KCNH7: variants seen among roughly 807,000 people sequenced by gnomAD.
KCNH7 encodes voltage-gated inwardly rectifying potassium channel KCNH7.
Under a neutral mutation model 120.8 loss-of-function variants are expected in KCNH7, and 49 were observed. The observed-to-expected ratio is 0.41, with a 90% CI of 0.32 to 0.51. The LOEUF (loss-of-function observed/expected upper bound fraction) is 0.51. Among genes scored for constraint, KCNH7 ranks in the 20% least tolerant of loss-of-function variants. The pLI is 0.38. For missense variants in KCNH7, 1,097 were observed against 1,446.6 expected, an observed-to-expected ratio of 0.76 and a Z score of 3.92; for synonymous variants, 547 against 516.1, an observed-to-expected ratio of 1.06 and a Z score of -0.81.
chr2:162,770,438 A>T (rs960595435), intron 2 of KCNH7, among the ~76,000 whole-genome samples: 75 of 151,990 alleles, frequency 4.9e-4, no homozygotes, highest in Admixed American at 1.7e-3. Context: ...TGAGATTTAC[A>T]GTCTAAAGCC....
chr2:162,724,651 G>A (rs867884332), intron 2 of KCNH7, among the ~76,000 whole-genome samples: 11 of 141,278 alleles, frequency 7.8e-5, no homozygotes, highest in African/African-American at 2.0e-4. Context: ...CAGCCTGGGC[G>A]ACAGAGCGAG....
At chr2:162,636,638 T>C (rs1683972830) in intron 2 of KCNH7, among the ~76,000 whole-genome samples, 1 of 152,134 alleles carries the variant, frequency 6.6e-6, no homozygotes. Context: ...ACATCACAAG[T>C]GCACATTTTA....
chr2:162,470,511 C>A (rs1165804043), intron 6 of KCNH7, among the ~76,000 whole-genome samples: 1 of 152,034 alleles, frequency 6.6e-6, no homozygotes, highest in East Asian at 1.9e-4. Flanking sequence ...CTCTGCCGGG[C>A]AGCCACCCCG....
At chr2:162,430,240 G>C (rs1377672332) in intron 8 of KCNH7, among the ~76,000 whole-genome samples, 2 of 151,832 alleles carry the variant, frequency 1.3e-5, no homozygotes, top group African/African-American at 4.8e-5. Flanking sequence ...GTTAAAATTT[G>C]AAAATCTCCC....
intron 2 of KCNH7, among the ~76,000 whole-genome samples, chr2:162,753,295 G>A (rs1688672093): frequency 6.6e-6 from 1 of 151,984 alleles, no homozygotes; most frequent in African/African-American, 2.4e-5. Flanking sequence ...GTTTGATGTG[G>A]AAGATACTCA....
At chr2:162,636,252 G>C (rs1251506714) in intron 2 of KCNH7, among the ~76,000 whole-genome samples, 1 of 152,040 alleles carries the variant, frequency 6.6e-6, no homozygotes, top group Non-Finnish European at 1.5e-5. Flanking sequence ...AAACGGAAAA[G>C]AAGAAATTAT....
intron 2 of KCNH7, among the ~76,000 whole-genome samples, chr2:162,539,392 G>T (rs1462728231): frequency 3.3e-5 from 5 of 151,958 alleles, no homozygotes; most frequent in Non-Finnish European, 7.4e-5. Context: ...AACACTTGGG[G>T]TGTACTGTTG....
intron 2 of KCNH7, among the ~76,000 whole-genome samples, chr2:162,715,275 G>T (rs909366765): frequency 1.3e-5 from 2 of 152,106 alleles, no homozygotes; most frequent in African/African-American, 2.4e-5. Context: ...GCAAAAGCAG[G>T]AGCAAAGAAG....
At chr2:162,628,780 T>C (rs1683651176) in intron 2 of KCNH7, among the ~76,000 whole-genome samples, 1 of 152,076 alleles carries the variant, frequency 6.6e-6, no homozygotes, top group Admixed American at 6.6e-5. Context: ...GTACAAGATC[T>C]TGTTTATATT....
intron 8 of KCNH7, among the ~76,000 whole-genome samples, chr2:162,427,376 G>T (rs1687901443): frequency 6.6e-6 from 1 of 151,886 alleles, no homozygotes; most frequent in South Asian, 2.1e-4. Flanking sequence ...CCAACACTTG[G>T]TTTCATCAGT....
chr2:162,695,379 T>C (rs1021203870), intron 2 of KCNH7, among the ~76,000 whole-genome samples: 5 of 152,120 alleles, frequency 3.3e-5, no homozygotes, highest in African/African-American at 1.2e-4. Context: ...AATCCCAACA[T>C]CAAGATGGGC....
chr2:162,777,937 A>T (rs188486439), intron 2 of KCNH7, among the ~76,000 whole-genome samples: 16 of 152,280 alleles, frequency 1.1e-4, no homozygotes, highest in Admixed American at 3.3e-4. Context: ...AAGACTGGTT[A>T]TTATCATTTG....
intron 2 of KCNH7, among the ~76,000 whole-genome samples, chr2:162,624,068 C>G (rs986227434): frequency 6.6e-6 from 1 of 152,116 alleles, no homozygotes; most frequent in East Asian, 1.9e-4. Flanking sequence ...TATACAAACT[C>G]TATACACTGC....
intron 2 of KCNH7, among the ~76,000 whole-genome samples, chr2:162,601,169 T>C (rs1448016819): frequency 1.3e-5 from 2 of 151,950 alleles, no homozygotes; most frequent in Non-Finnish European, 2.9e-5. Flanking sequence ...GGTTAATGTA[T>C]GGTTCACGAT....
chr2:162,550,591 A>G (rs1390295324), intron 2 of KCNH7, among the ~76,000 whole-genome samples: 1 of 152,090 alleles, frequency 6.6e-6, no homozygotes, highest in African/African-American at 2.4e-5. Context: ...TGGTGGCTCT[A>G]TACTGTGAGT....
chr2:162,577,753 C>T (rs1451824322), intron 2 of KCNH7, among the ~76,000 whole-genome samples: 1 of 151,966 alleles, frequency 6.6e-6, no homozygotes, highest in African/African-American at 2.4e-5. Flanking sequence ...CATAAAATCA[C>T]TTCATTTATT....
At position 162,569,752 on chromosome 2, in the gene KCNH7, A is replaced by G. The variant is rs191076254; in HGVS notation, c.308-32672T>C. 8.4e-3 allele frequency among the ~76,000 whole-genome samples: 1,275 copies of G among 151,384 alleles called. 21 individuals carry two copies. The highest frequency in any genetic ancestry group is 0.029 in the African/African-American group (1,199 of 41,152). On this transcript the variant is annotated intron_variant, in intron 2 of 15. Transcript: ENST00000332142. ...CTGTCTTTGCTCTCGTTGGTTTCAA[A>G]GAACATCTTTATTTCTGCCTTCATT...
chr2:162,420,748 T>A lies in KCNH7; in HGVS notation c.2154+2588A>T, dbSNP rs77723965. ...GTTGAACAGTGAAAATGACCTGAAA[T>A]GTTTCGTGAGAAATTATATTTAAGG... On this transcript the variant is annotated intron_variant, in intron 9 of 15. Transcript: ENST00000332142. 2.6e-3 allele frequency among the ~76,000 whole-genome samples: 396 copies of A among 152,280 alleles called. 1 individual carries two copies. The highest frequency in any genetic ancestry group is 4.7e-3 in the Non-Finnish European group (317 of 68,022).
intron 2 of KCNH7, among the ~76,000 whole-genome samples, chr2:162,585,867 T>C (rs1694005192): frequency 6.6e-6 from 1 of 152,022 alleles, no homozygotes; most frequent in African/African-American, 2.4e-5. Context: ...AAATCATATA[T>C]ATTATACAGA....
Sources: allele counts gnomAD v4.1 joint callset (sites outside exome capture counted in the v4.1 genomes callset), GRCh38; gene constraint gnomAD v4.1.1; transcripts MANE v1.5; gene names NCBI Gene and HGNC (gene_info 2026-07-23, HGNC 2026-07-21).